PRELID2: variants seen among roughly 807,000 people sequenced by gnomAD.
PRELID2 encodes the protein PRELI domain-containing protein 2.
In PRELID2, 25 loss-of-function variants were observed where a neutral mutation model predicts 28.4. That is an observed-to-expected ratio of 0.88 (90% CI 0.64 to 1.23). The LOEUF is 1.23. Among genes scored for constraint, PRELID2 ranks in the 50% most tolerant of loss-of-function variants. The pLI is 0.00. For synonymous variants in PRELID2, 76 were observed against 71.6 expected (o/e 1.06, Z -0.31); for missense variants, 201 against 214.4 (o/e 0.94, Z 0.39).
At chr5:145,717,772 C>A (rs1299775650) in intron 1 of PRELID2, among the ~76,000 whole-genome samples, 1 of 150,794 alleles carries the variant, frequency 6.6e-6, no homozygotes, top group African/African-American at 2.4e-5. Context: ...AAAATGGGCC[C>A]TAATATTTAA....
intron 1 of PRELID2, among the ~76,000 whole-genome samples, chr5:145,685,968 G>A (rs987115379): frequency 2.6e-5 from 4 of 152,128 alleles, no homozygotes; most frequent in Non-Finnish European, 4.4e-5. Flanking sequence ...CCCTGATATC[G>A]CCATTCTTTG....
chr5:145,571,745 G>C (rs9654487), intron 1 of PRELID2, among the ~76,000 whole-genome samples: 16,645 of 151,978 alleles, frequency 0.11, 2,485 homozygotes, highest in African/African-American at 0.34. Context: ...ACTTTGGGAG[G>C]CTGAGGCAGG....
At chr5:145,439,461 G>T in the PRELID2 span, among the ~76,000 whole-genome samples, 33 of 152,096 alleles carry the variant, frequency 2.2e-4, no homozygotes, top group Non-Finnish European at 4.1e-4. Flanking sequence ...TTATAAGTCT[G>T]ACCAGTCAGT....
intron 1 of PRELID2, among the ~76,000 whole-genome samples, chr5:145,599,936 C>T (rs995671342): frequency 6.6e-6 from 1 of 152,108 alleles, no homozygotes; most frequent in African/African-American, 2.4e-5. Flanking sequence ...TATTTTAAAA[C>T]ATCTTCCAAG....
intron 1 of PRELID2, among the ~76,000 whole-genome samples, chr5:145,484,873 G>T (rs1752199317): frequency 6.6e-6 from 1 of 152,152 alleles, no homozygotes; most frequent in Admixed American, 6.5e-5. Flanking sequence ...CATTGACTGT[G>T]CTAGACATCA....
chr5:145,278,905 G>A, the PRELID2 span, among the ~76,000 whole-genome samples: 1 of 152,130 alleles, frequency 6.6e-6, no homozygotes, highest in Non-Finnish European at 1.5e-5. Flanking sequence ...ATACCTAAGA[G>A]TAATTATTCT....
the PRELID2 span, among the ~76,000 whole-genome samples, chr5:145,433,837 T>C: frequency 3.3e-4 from 51 of 152,294 alleles, no homozygotes; most frequent in African/African-American, 1.2e-3. Flanking sequence ...GTATCTATGT[T>C]GTCTTGAGGA....
intron 1 of PRELID2, among the ~76,000 whole-genome samples, chr5:145,832,308 C>T (rs767289192): frequency 6.6e-6 from 1 of 152,044 alleles, no homozygotes; most frequent in African/African-American, 2.4e-5. Context: ...CTTAGCCTCC[C>T]GAGTAGCTGG....
At chr5:145,674,752 G>T (rs1313469519) in intron 1 of PRELID2, among the ~76,000 whole-genome samples, 1 of 152,084 alleles carries the variant, frequency 6.6e-6, no homozygotes, top group African/African-American at 2.4e-5. Flanking sequence ...GAGACCAAAA[G>T]CCTGGCCAAT....
At chr5:145,792,209 C>A (rs531554741) in intron 5 of PRELID2, among the ~76,000 whole-genome samples, 1 of 152,322 alleles carries the variant, frequency 6.6e-6, no homozygotes, top group South Asian at 2.1e-4. Context: ...ACTCTGGGGT[C>A]AGACAAGCTT....
intron 1 of PRELID2, among the ~76,000 whole-genome samples, chr5:145,540,901 T>A (rs952125231): frequency 6.6e-6 from 1 of 151,974 alleles, no homozygotes; most frequent in Non-Finnish European, 1.5e-5. Context: ...CATGTGATAA[T>A]GGCATGTGAT....
At chr5:145,601,690 TGAGA>T (rs1388180150) in intron 1 of PRELID2, among the ~76,000 whole-genome samples, 1 of 152,176 alleles carries the variant, frequency 6.6e-6, no homozygotes, top group Non-Finnish European at 1.5e-5. Flanking sequence ...ACTTTGGCAC[TGAGA>T]GAGTTTGCTG....
the PRELID2 span, among the ~76,000 whole-genome samples, chr5:145,248,672 C>G: frequency 6.6e-6 from 1 of 152,048 alleles, no homozygotes; most frequent in South Asian, 2.1e-4. Flanking sequence ...TGGTGCACAC[C>G]TGTAGTCCCA....
chr5:145,760,801 A>C (rs1423257512), intron 6 of PRELID2, among the ~76,000 whole-genome samples: 1 of 152,202 alleles, frequency 6.6e-6, no homozygotes, highest in Non-Finnish European at 1.5e-5. Flanking sequence ...GAACTCTGCT[A>C]TGTTGTCAAA....
intron 5 of PRELID2, among the ~76,000 whole-genome samples, chr5:145,767,021 C>T (rs1037020457): frequency 2.6e-5 from 4 of 152,140 alleles, no homozygotes; most frequent in African/African-American, 9.7e-5. Flanking sequence ...AGGGCAGTCC[C>T]TGGTGAGGGC....
the PRELID2 span, among the ~76,000 whole-genome samples, chr5:145,452,693 G>C: frequency 2.6e-5 from 4 of 152,064 alleles, no homozygotes; most frequent in African/African-American, 9.7e-5. Flanking sequence ...TTCTAGCATA[G>C]TTCTTAGCCC....
At chr5:145,378,238 C>A in the PRELID2 span, among the ~76,000 whole-genome samples, 1 of 152,088 alleles carries the variant, frequency 6.6e-6, no homozygotes, top group Non-Finnish European at 1.5e-5. Flanking sequence ...TCATTTCAAC[C>A]TCAGAAAATT....
intron 2 of PRELID2, among the ~76,000 whole-genome samples, chr5:145,472,579 G>A (rs1174495864): frequency 6.6e-6 from 1 of 152,088 alleles, no homozygotes; most frequent in East Asian, 1.9e-4. Flanking sequence ...ATTAGCTTGA[G>A]GAATAGCCCC....
chr5:145,622,146 T>C (rs376953658), intron 1 of PRELID2, among the ~76,000 whole-genome samples: 1 of 152,196 alleles, frequency 6.6e-6, no homozygotes, highest in African/African-American at 2.4e-5. Flanking sequence ...GAAAACAGAT[T>C]TGCCATTGTC....
Sources: gnomAD v4.1 joint callset for allele counts (sites outside exome capture counted in the v4.1 genomes callset) on GRCh38, gnomAD v4.1.1 for gene constraint, MANE v1.5 for transcripts, NCBI Gene and HGNC (gene_info 2026-07-23, HGNC 2026-07-21) for gene names.